ELMO2: variants seen among roughly 807,000 people sequenced by gnomAD.
ELMO2 encodes engulfment and cell motility protein 2.
A neutral mutation model predicts 96.2 loss-of-function variants in ELMO2; 37 were observed. The ratio of observed to expected loss-of-function variants is 0.38; its 90% CI spans 0.30 to 0.51. The LOEUF is 0.51. Ranked by LOEUF, ELMO2 falls within the 20% of genes least tolerant of loss-of-function variation. The pLI is 0.88. For synonymous variants in ELMO2, 315 were observed against 329.4 expected (o/e 0.96, Z 0.47); for missense variants, 561 against 912.6 (o/e 0.61, Z 4.96).
chr20:46,372,312 G>A (rs763336155), intron 16 of ELMO2, among the ~76,000 whole-genome samples: 1 of 152,192 alleles, frequency 6.6e-6, no homozygotes, highest in Non-Finnish European at 1.5e-5. Context: ...TAAACCGAGA[G>A]AAAGGAAGAC....
intron 20 of ELMO2, chr20:46,370,229 GA>G (rs1209865999): frequency 4.4e-6 from 3 of 675,626 alleles, no homozygotes; most frequent in Non-Finnish European, 8.1e-6. Context: ...ATAAAGGAGA[GA>G]AACAAGTGGA....
intron 10 of ELMO2, among the ~76,000 whole-genome samples, chr20:46,380,616 T>C (rs2059938663): frequency 6.6e-6 from 1 of 152,190 alleles, no homozygotes; most frequent in African/African-American, 2.4e-5. Context: ...CACAAGGACA[T>C]TGCACATGGA....
chr20:46,385,655 G>A (rs560910572), intron 9 of ELMO2, among the ~76,000 whole-genome samples: 6 of 152,220 alleles, frequency 3.9e-5, no homozygotes, highest in East Asian at 3.9e-4. Context: ...GTGCATCGTC[G>A]GTTCAGTGAG....
intron 2 of ELMO2, among the ~76,000 whole-genome samples, chr20:46,394,851 C>T (rs2060216914): frequency 6.6e-6 from 1 of 152,184 alleles, no homozygotes; most frequent in Non-Finnish European, 1.5e-5. Context: ...TGTCTTGAGA[C>T]CTTGGGAGGA....
At chr20:46,374,724 C>G in intron 13 of ELMO2, 84 bp from the exon 14 acceptor site, 1 of 1,162,522 alleles carries the variant, frequency 8.6e-7, no homozygotes, top group Non-Finnish European at 1.3e-6. Context: ...CGCCTCTCCT[C>G]TTGATGCTGC....
intron 6 of ELMO2, among the ~76,000 whole-genome samples, chr20:46,391,085 A>G (rs2060142701): frequency 6.6e-6 from 1 of 152,236 alleles, no homozygotes; most frequent in South Asian, 2.1e-4. Context: ...ACTGTGCAAG[A>G]GGTCTGTGAA....
intron 1 of ELMO2, 88 bp from the exon 2 acceptor site, chr20:46,398,859 C>T (rs2145854394): frequency 6.6e-6 from 1 of 152,300 alleles, no homozygotes; most frequent in East Asian, 1.9e-4. Flanking sequence ...GGGTCTCAAG[C>T]CTAGGTCTTA....
In ELMO2 at chr20:46,367,143, G is replaced by C. The variant is rs1039639226; in HGVS notation, c.*217C>G. ...GCCCAATCCCAGGCTTCATGGTGATGGAGTGGGCAGAGCACCCTGCCTTCA... is the reference window on the plus strand; with the variant it reads ...GCCCAATCCCAGGCTTCATGGTGATCGAGTGGGCAGAGCACCCTGCCTTCA... On this transcript the variant is annotated 3_prime_UTR_variant, in exon 22 of 22. Transcript: ENST00000290246. The C allele has an allele frequency of 1.4e-5, 6 of 431,412 alleles. No individual in the cohort carries two copies. Among genetic ancestry groups the C allele is most frequent in the African/African-American group, 1.0e-4 (5 of 48,830 alleles). 26.7% of individuals were successfully genotyped at this position (431,412 alleles called of 1,614,324 possible).
At position 46,371,995 on chromosome 20, in the gene ELMO2, T is replaced by C. The variant is rs774737378; in HGVS notation, c.1417-26A>G. ...CTAAGAGGAGAAGAACCCAGCCAAC[T>C]CACACCACTACTCTTGAGAAATGGA... On this transcript the variant is annotated intron_variant, in intron 16 of 21. Transcript: ENST00000290246. The surrounding 1 kb of genome is among the most constrained non-coding windows in gnomAD (Gnocchi z 5.9). 8.7e-6 allele frequency: 14 copies of C among 1,612,780 alleles called. No individual in the cohort carries two copies. The highest frequency in any genetic ancestry group is 4.4e-5 in the South Asian group (4 of 91,024).
At chr20:46,405,117 C>A (rs2060405778) in intron 1 of ELMO2, among the ~76,000 whole-genome samples, 1 of 152,198 alleles carries the variant, frequency 6.6e-6, no homozygotes, top group South Asian at 2.1e-4. Flanking sequence ...GCAAAACCGA[C>A]ACTATCTTCT....
intron 5 of ELMO2, 91 bp downstream of exon 5, chr20:46,393,438 T>C (rs1264474495): frequency 1.4e-6 from 2 of 1,384,040 alleles, no homozygotes; most frequent in South Asian, 1.2e-5. Context: ...GGAAGCTACC[T>C]GGATGCTGAG....
At chr20:46,378,533 C>T (rs1161116441) in intron 11 of ELMO2, among the ~76,000 whole-genome samples, 2 of 152,216 alleles carry the variant, frequency 1.3e-5, no homozygotes, top group Non-Finnish European at 2.9e-5. Context: ...GTGTGGGAAC[C>T]TGTGTACTCC....
intron 1 of ELMO2, among the ~76,000 whole-genome samples, chr20:46,405,540 C>T (rs943206422): frequency 6.6e-6 from 1 of 151,990 alleles, no homozygotes; most frequent in Non-Finnish European, 1.5e-5. Context: ...GGATCTGACC[C>T]TACAAAGGGG....
chr20:46,374,102 T>G (rs2059797381), intron 15 of ELMO2, among the ~76,000 whole-genome samples: 1 of 141,052 alleles, frequency 7.1e-6, no homozygotes, highest in East Asian at 2.0e-4. Context: ...TTTTTGGTTT[T>G]TTTTTTTTTT....
intron 6 of ELMO2, among the ~76,000 whole-genome samples, chr20:46,392,669 C>T (rs533013887): frequency 6.6e-6 from 1 of 152,368 alleles, no homozygotes; most frequent in African/African-American, 2.4e-5. Context: ...TCCTGCTTTT[C>T]CCAAACACAG....
In ELMO2 at chr20:46,368,914, A is replaced by C. The variant is rs2059638637; in HGVS notation, c.1939T>G (p.Phe647Val). ...ACCTCATATTTATTAGGTGCGATGA[A>C]GTTTAAGGTCTCATCAGGGTCATAC... ...ILYDPDETLN[F>V]IAPNKYEYCI... The change falls in exon 21 of 22, where the codon TTC (phenylalanine) becomes GTC (valine). Residue 647 changes from phenylalanine to valine, a missense_variant. Phe to Val is a conservative substitution (Grantham distance 50, BLOSUM62 -1). Coordinates refer to ENST00000290246, the MANE Select transcript of ELMO2 (RefSeq NM_133171.5). 1 of 1,614,228 alleles carries C rather than the reference A, an allele frequency of 6.2e-7. No individual in the cohort carries two copies. Among genetic ancestry groups the C allele is most frequent in the Non-Finnish European group, 8.5e-7 (1 of 1,180,032 alleles).
Position 46,367,411 on chromosome 20 carries a change from G to C in ELMO2, c.2112C>G (p.Pro704=). The change falls in exon 22 of 22, where the codon CCC becomes CCG. Residue 704 remains proline (P), a synonymous_variant. Transcript: ENST00000290246. Reference sequence around the variant, plus strand: ...AGCTGCTGGGCTCCTTGGGGATGGGGGGTGGGGCTTCGGGAATCTGGATGT... The same window carrying C: ...AGCTGCTGGGCTCCTTGGGGATGGGCGGTGGGGCTTCGGGAATCTGGATGT... ...LENIQIPEAP[P]PIPKEPSSYD... 6.2e-7 allele frequency: 1 copy of C among 1,610,678 alleles called. No homozygotes were observed. Among genetic ancestry groups the C allele is most frequent in the Non-Finnish European group, 8.5e-7 (1 of 1,178,612 alleles).
At chr20:46,376,356 CT>C in intron 11 of ELMO2, among the ~76,000 whole-genome samples, 1 of 151,980 alleles carries the variant, frequency 6.6e-6, no homozygotes, top group Non-Finnish European at 1.5e-5. Context: ...CTTCCTCTCA[CT>C]TGTCCTCTCC....
rs539874774 is a variant in ELMO2 at position 46,373,616 on chromosome 20, A to C, written c.1280-81T>G. 48 of 1,562,754 alleles carry C rather than the reference A, an allele frequency of 3.1e-5. No individual in the cohort carries two copies. The South Asian group carries it at 5.5e-4, about 18-fold the overall frequency. On this transcript the variant is annotated intron_variant, in intron 15 of 21. Coordinates refer to ENST00000290246, the MANE Select transcript of ELMO2 (RefSeq NM_133171.5). The stretch of plus-strand genomic sequence containing the variant: ...AGCTCATGTCTGGAAACTTTGCACC[A>C]AAGTCCCGAGGAACAAAAGCAGCCT...
Sources: allele counts gnomAD v4.1 joint callset (sites outside exome capture counted in the v4.1 genomes callset), GRCh38; gene constraint gnomAD v4.1.1; non-coding constraint Gnocchi (gnomAD v3.1); transcripts MANE v1.5; gene names NCBI Gene and HGNC (gene_info 2026-07-23, HGNC 2026-07-21).